The following CSMD1 variants were observed in gnomAD, a reference collection of about 807,000 sequenced individuals.
CSMD1 encodes CUB and sushi domain-containing protein 1.
CSMD1 carries 213 observed loss-of-function variants against 417.5 expected under a neutral mutation model. The ratio of observed to expected loss-of-function variants is 0.51; its 90% CI spans 0.46 to 0.57. The LOEUF (loss-of-function observed/expected upper bound fraction) is 0.57, where lower values mean the gene tolerates loss of function less well. CSMD1 is among the 20% of genes least tolerant of loss of function. The pLI is 0.00. For synonymous variants in CSMD1, 2,862 were observed against 1,736.8 expected (o/e 1.65, Z -16.11); for missense variants, 6,923 against 4,529.7 (o/e 1.53, Z -15.17).
chr8:4,378,462 C>T (rs1212877337), intron 3 of CSMD1, among the ~76,000 whole-genome samples: 1 of 152,188 alleles, frequency 6.6e-6, no homozygotes, highest in Admixed American at 6.5e-5. Context: ...CTGTCTAGCA[C>T]TCTGTCTCCC....
chr8:4,405,794 T>G (rs1034802738), intron 3 of CSMD1, among the ~76,000 whole-genome samples: 5 of 152,206 alleles, frequency 3.3e-5, no homozygotes, highest in African/African-American at 9.6e-5. Context: ...TTGAGTGATT[T>G]TAGACACATG....
intron 5 of CSMD1, among the ~76,000 whole-genome samples, chr8:3,827,292 T>C (rs1054441460): frequency 2.0e-5 from 3 of 152,200 alleles, no homozygotes; most frequent in African/African-American, 7.2e-5. Context: ...TTGAACCACA[T>C]GTGGTTAGAG....
At chr8:4,267,198 A>G (rs1804275953) in intron 3 of CSMD1, among the ~76,000 whole-genome samples, 1 of 104,540 alleles carries the variant, frequency 9.6e-6, no homozygotes, top group African/African-American at 2.6e-5. Context: ...AAAATGCACA[A>G]CAAAAGAATC....
Position 4,630,265 on chromosome 8 carries a change from TACACACACACACACAC to T in CSMD1, c.302+7061_302+7076del, listed in dbSNP as rs57214957. On this transcript the variant is annotated intron_variant, in intron 2 of 69. Transcript: ENST00000635120. ...TCTTAACAAATAAGCACACAGCAAA[TACACACACACACACAC>T]ACACACACACACACACACACACACT... is the stretch of plus-strand genomic sequence containing the variant. Among the ~76,000 whole-genome samples, 24 of 149,046 alleles carry T rather than the reference TACACACACACACACAC, an allele frequency of 1.6e-4. 1 individual carries two copies. In the South Asian group the frequency reaches 2.1e-3, roughly 13 times the overall value.
At chr8:4,343,692 T>G (rs1015145463) in intron 3 of CSMD1, among the ~76,000 whole-genome samples, 1 of 152,108 alleles carries the variant, frequency 6.6e-6, no homozygotes, top group South Asian at 2.1e-4. Flanking sequence ...CCTTTGCAGC[T>G]TTTTCTTTTC....
chr8:4,358,401 T>C (rs907510343), intron 3 of CSMD1, among the ~76,000 whole-genome samples: 2 of 152,102 alleles, frequency 1.3e-5, no homozygotes, highest in Non-Finnish European at 1.5e-5. Flanking sequence ...GACTGTTTCG[T>C]GACACGTGAA....
At chr8:3,151,182 A>G (rs1389324081) in intron 40 of CSMD1, 3 of 471,338 alleles carry the variant, frequency 6.4e-6, no homozygotes, top group Non-Finnish European at 7.6e-6. Context: ...GGCCAATTTA[A>G]TTTGCCTTGA....
intron 29 of CSMD1, 84 bp from the exon 30 acceptor site, chr8:3,214,775 T>G: frequency 9.0e-7 from 1 of 1,106,996 alleles, no homozygotes. Context: ...GGTTCTTTAA[T>G]TGTGTTATTT....
At chr8:4,463,023 G>A (rs1217667) in intron 2 of CSMD1, among the ~76,000 whole-genome samples, 1 of 152,118 alleles carries the variant, frequency 6.6e-6, no homozygotes, top group Non-Finnish European at 1.5e-5. Context: ...ATAGAATAGG[G>A]AAAGTTTGCA....
At chr8:4,088,715 A>G (rs1273369773) in intron 3 of CSMD1, among the ~76,000 whole-genome samples, 2 of 151,910 alleles carry the variant, frequency 1.3e-5, no homozygotes, top group Admixed American at 1.3e-4. Context: ...CCGACCCCAA[A>G]GCTCTGCAGG....
At chr8:3,858,673 CT>C (rs35672053) in intron 5 of CSMD1, among the ~76,000 whole-genome samples, 58,713 of 149,624 alleles carry the variant, frequency 0.39, 13,630 homozygotes, top group African/African-American at 0.66. Context: ...TTCAGGAGAA[CT>C]TTTTTTTTTT....
At chr8:4,531,025 G>A (rs1386940362) in intron 2 of CSMD1, among the ~76,000 whole-genome samples, 2 of 151,922 alleles carry the variant, frequency 1.3e-5, no homozygotes, top group South Asian at 2.1e-4. Context: ...CCTCTCTGCC[G>A]CTCTCTGTTG....
In CSMD1 at chr8:4,586,591, C is replaced by G. The variant is rs577955375; in HGVS notation, c.302+50751G>C. Among the ~76,000 whole-genome samples the G allele has an allele frequency of 7.9e-5, 12 of 152,076 alleles. No individual in the cohort carries two copies. The East Asian group carries it at 2.3e-3, about 29-fold the overall frequency. On this transcript the variant is annotated intron_variant, in intron 2 of 69. Transcript: ENST00000635120. ...AGCATTTTTTTTGATGCTTTATTTT[C>G]TCTAGGACTTTTGGATAAACACTGT...
At chr8:4,774,577 C>A (rs539196533) in intron 1 of CSMD1, among the ~76,000 whole-genome samples, 69 of 152,166 alleles carry the variant, frequency 4.5e-4, no homozygotes, top group African/African-American at 1.6e-3. Context: ...AGAATTAATA[C>A]CAAAAGTAAG....
intron 1 of CSMD1, among the ~76,000 whole-genome samples, chr8:4,827,317 T>A (rs902542578): frequency 6.6e-6 from 1 of 152,140 alleles, no homozygotes; most frequent in Non-Finnish European, 1.5e-5. Flanking sequence ...ATGGTTTTCA[T>A]TTTATCTTAA....
chr8:4,357,900 T>A (rs1289844193), intron 3 of CSMD1, among the ~76,000 whole-genome samples: 5 of 152,150 alleles, frequency 3.3e-5, no homozygotes. Flanking sequence ...ATAATTGTAG[T>A]ATTTATAAAA....
intron 3 of CSMD1, among the ~76,000 whole-genome samples, chr8:4,313,506 T>TG (rs1491313114): frequency 1.3e-4 from 4 of 30,250 alleles, no homozygotes; most frequent in South Asian, 1.3e-3. Context: ...CATGTCAAAA[T>TG]GAAAAAAAAA....
intron 51 of CSMD1, among the ~76,000 whole-genome samples, chr8:3,026,459 A>G (rs1453562199): frequency 6.6e-6 from 1 of 151,572 alleles, no homozygotes; most frequent in Non-Finnish European, 1.5e-5. Context: ...ACTGGACCTC[A>G]GTGGACTTCA....
chr8:4,201,401 G>T (rs1044710523), intron 3 of CSMD1, among the ~76,000 whole-genome samples: 4 of 151,900 alleles, frequency 2.6e-5, no homozygotes, highest in African/African-American at 4.8e-5. Flanking sequence ...AGCCGGGGGT[G>T]GCGCTGGGCG....
Sources: allele counts gnomAD v4.1 joint callset (sites outside exome capture counted in the v4.1 genomes callset), GRCh38; gene constraint gnomAD v4.1.1; transcripts MANE v1.5; gene names NCBI Gene and HGNC (gene_info 2026-07-23, HGNC 2026-07-21).